Variants in ACY1 observed in about 807,000 individuals in gnomAD.
The protein encoded by ACY1 is aminoacylase-1.
ACY1 carries 38 observed loss-of-function variants against 53.3 expected under a neutral mutation model. The observed-to-expected ratio is 0.71, with a 90% CI of 0.55 to 0.93. The LOEUF (loss-of-function observed/expected upper bound fraction) is 0.93, where lower values mean the gene tolerates loss of function less well. ACY1 is among the 40% of genes least tolerant of loss of function. The pLI, the probability that ACY1 is intolerant of heterozygous loss-of-function variation, is 0.00. For synonymous variants in ACY1, 177 were observed against 202.1 expected, an observed-to-expected ratio of 0.88 and a Z score of 1.05; for missense variants, 484 against 540.9, an observed-to-expected ratio of 0.89 and a Z score of 1.04.
rs1229453849 is a variant in ACY1, at chr3:51,986,573, C to G, written c.527-32C>G. On this transcript the variant is annotated intron_variant, in intron 7 of 14. Coordinates refer to ENST00000636358, the MANE Select transcript of ACY1 (RefSeq NM_000666.3). ...GAGGCTGCTAGTGGGGACTGAGCTG[C>G]TCCACCCTCTGAACCCCCTTTCCCT... is the stretch of plus-strand genomic sequence containing the variant. 2.5e-6 allele frequency: 4 copies of G among 1,614,120 alleles called. No homozygotes were observed. In the Admixed American group the frequency reaches 6.7e-5, roughly 27 times the overall value.
At chr3:51,986,705 G>A (rs1294295177) in intron 8 of ACY1, 44 bp downstream of exon 8, 1 of 1,608,422 alleles carries the variant, frequency 6.2e-7, no homozygotes, top group Non-Finnish European at 8.5e-7. Context: ...CAGGCGGGAG[G>A]CTAGGCCAGA....
At chr3:51,987,285 C>T (rs1266753016) in intron 10 of ACY1, 24 bp from the exon 11 acceptor site, 13 of 1,613,958 alleles carry the variant, frequency 8.1e-6, no homozygotes, top group Admixed American at 3.3e-5. Context: ...CTGTTGCTGC[C>T]GCTACCCTGC....
At chr3:51,988,283 A>G (rs1199229541) in intron 12 of ACY1, 2 of 598,444 alleles carry the variant, frequency 3.3e-6, no homozygotes, top group East Asian at 2.9e-5. Context: ...AGGAAGGGGC[A>G]CTTGGGCTAG....
rs202206383 is a variant in ACY1, at chr3:51,985,385, G to A, written c.184G>A (p.Val62Met). 2.0e-5 allele frequency: 32 copies of A among 1,614,096 alleles called. No homozygotes were observed. In the East Asian group the frequency reaches 2.0e-4, roughly 10 times the overall value. Reference protein sequence around the residue: ...VEVAPGYVVTVLTWPGTNPTL... With the variant: ...VEVAPGYVVTMLTWPGTNPTL... Reference sequence around the variant, plus strand: ...GGTGGCACCTGGCTATGTGGTGACCGTGTTGACCTGGCCAGGCACCAACCC... The same window carrying A: ...GGTGGCACCTGGCTATGTGGTGACCATGTTGACCTGGCCAGGCACCAACCC... The change falls in exon 4 of 15, where the codon GTG becomes ATG. Residue 62 changes from valine (V) to methionine (M), a missense_variant. Transcript: ENST00000636358.
chr3:51,984,835 G>T, intron 2 of ACY1: 1 of 262,538 alleles, frequency 3.8e-6, no homozygotes, highest in Non-Finnish European at 7.3e-6. Context: ...AAAAAAAAAG[G>T]AAAAGAAAAA....
At chr3:51,985,102 G>A (rs1479772299) in intron 2 of ACY1, 105 bp from the exon 3 acceptor site, 6 of 1,115,568 alleles carry the variant, frequency 5.4e-6, no homozygotes, top group Non-Finnish European at 8.0e-6. Context: ...AGTGTGTCGG[G>A]GAGGCAGCAG....
rs1701095982 is a variant in ACY1, at chr3:51,987,135, A to G, written c.658-12A>G. The G allele has an allele frequency of 6.2e-7, 1 of 1,613,974 alleles. No individual in the cohort carries two copies. Among genetic ancestry groups the G allele is most frequent in the African/African-American group, 1.3e-5 (1 of 74,908 alleles). On this transcript the variant is annotated splice_polypyrimidine_tract_variant and intron_variant, in intron 9 of 14. Transcript: ENST00000636358. ...TGAGGCCACTGTCCCATTTAACCTCATATTCTCATAGCACAAGGTTGTAAA... is the reference window on the plus strand; with the variant it reads ...TGAGGCCACTGTCCCATTTAACCTCGTATTCTCATAGCACAAGGTTGTAAA...
intron 13 of ACY1, 22 bp downstream of exon 13, chr3:51,988,625 C>G: frequency 6.2e-7 from 1 of 1,613,600 alleles, no homozygotes; most frequent in Non-Finnish European, 8.5e-7. Context: ...GGCCAGCTCT[C>G]CTCACAGCCC....
In ACY1 at chr3:51,985,396, G is replaced by C. The variant is rs1701022343; in HGVS notation, c.195G>C (p.Trp65Cys). The stretch of plus-strand genomic sequence containing the variant: ...GCTATGTGGTGACCGTGTTGACCTG[G>C]CCAGGCACCAACCCTACACTCTCCT... The part of the protein sequence containing the change: ...APGYVVTVLT[W>C]PGTNPTLSSI... The change falls in exon 4 of 15, where the codon TGG becomes TGC. Residue 65 changes from tryptophan (W) to cysteine (C), a missense_variant. Trp to Cys is a radical substitution (Grantham distance 215). Coordinates refer to ENST00000636358, the MANE Select transcript of ACY1 (RefSeq NM_000666.3). The C allele has an allele frequency of 6.2e-7, 1 of 1,614,072 alleles. No homozygotes were observed. The highest frequency in any genetic ancestry group is 2.2e-5 in the East Asian group (1 of 44,878).
chr3:51,985,016 C>T (rs1577724635), intron 2 of ACY1, 191 bp from the exon 3 acceptor site: 3 of 661,850 alleles, frequency 4.5e-6, no homozygotes, highest in Non-Finnish European at 8.2e-6. Context: ...CCCTGGACTT[C>T]CAGAAAGGGT....
rs1701175624 is a variant in ACY1, at chr3:51,988,977, G to A, written c.1129G>A (p.Glu377Lys). The change falls in exon 15 of 15, where the codon GAA becomes AAA. Residue 377 changes from glutamate to lysine, a missense_variant. Physicochemically the swap from Glu to Lys is moderately conservative, Grantham distance 56. Transcript: ENST00000636358. The part of the protein sequence containing the change: ...RTPVLLHDHD[E>K]RLHEAVFLRG... ...ACCTGTGCTGCTGCACGACCACGAT[G>A]AACGGCTGCATGAGGCTGTGTTCCT... The A allele has an allele frequency of 1.9e-6, 3 of 1,614,058 alleles. No homozygotes were observed. The highest frequency in any genetic ancestry group is 2.7e-5 in the African/African-American group (2 of 74,906).
chr3:51,985,845 C>T lies in ACY1; in HGVS notation c.265-7C>T, dbSNP rs150956099. 2.6e-4 allele frequency: 415 copies of T among 1,612,310 alleles called. 1 individual carries two copies. Among genetic ancestry groups the T allele is most frequent in the Middle Eastern group, 2.5e-3 (15 of 6,054 alleles). On this transcript the variant is annotated splice_polypyrimidine_tract_variant and splice_region_variant and intron_variant, in intron 4 of 14. Transcript: ENST00000636358. ...GTTTGGGCCCCTCTTCCCATCCCTG[C>T]CCCCAGGAACATTGGAGTCACGACC...
rs1701070296 is a variant in ACY1 at position 51,986,627 on chromosome 3, C to T, written c.549C>T (p.Ala183=). ...LDEGIANPTD[A]FTVFYSERSP... The stretch of plus-strand genomic sequence containing the variant: ...CAGGCATAGCCAATCCCACTGATGC[C>T]TTCACTGTCTTTTATAGTGAGCGGA... Residue 183 remains alanine, a synonymous_variant, in exon 8 of 15, where the codon GCC becomes GCT. Coordinates refer to ENST00000636358, the MANE Select transcript of ACY1 (RefSeq NM_000666.3). 3.1e-6 allele frequency: 5 copies of T among 1,614,056 alleles called. No individual in the cohort carries two copies. Among genetic ancestry groups the T allele is most frequent in the Non-Finnish European group, 4.2e-6 (5 of 1,180,038 alleles).
intron 8 of ACY1, 152 bp downstream of exon 8, chr3:51,986,813 T>G: frequency 7.9e-7 from 1 of 1,271,490 alleles, no homozygotes; most frequent in Non-Finnish European, 1.1e-6. Flanking sequence ...TATCTGAGCT[T>G]CTCTGAGGGC....
At chr3:51,984,833 AG>A in intron 2 of ACY1, 2 of 269,184 alleles carry the variant, frequency 7.4e-6, no homozygotes, top group Non-Finnish European at 7.2e-6. Flanking sequence ...AAAAAAAAAA[AG>A]GAAAAGAAAA....
Position 51,986,987 on chromosome 3 carries a change from G to C in ACY1, c.584-1G>C, listed in dbSNP as rs748110984. On this transcript the variant is annotated splice_acceptor_variant, in intron 8 of 14. Coordinates refer to ENST00000636358, the MANE Select transcript of ACY1 (RefSeq NM_000666.3). LOFTEE classifies it high-confidence loss of function. ...ACTGCCTTCCCCCTACACCTCCCCAGGGGTGCGGGTTACCAGCACTGGGAG... is the reference window on the plus strand; with the variant it reads ...ACTGCCTTCCCCCTACACCTCCCCACGGGTGCGGGTTACCAGCACTGGGAG... 1 of 1,612,268 alleles carries C rather than the reference G, an allele frequency of 6.2e-7. No homozygotes were observed. The highest frequency in any genetic ancestry group is 1.7e-5 in the Admixed American group (1 of 60,024).
At chr3:51,988,156 G>A in intron 12 of ACY1, 1 of 377,212 alleles carries the variant, frequency 2.7e-6, no homozygotes, top group Non-Finnish European at 5.0e-6. Context: ...ATGAGCCACT[G>A]CGCCCAGCCG....
intron 1 of ACY1, among the ~76,000 whole-genome samples, chr3:51,983,809 A>G (rs1034168560): frequency 6.6e-6 from 1 of 151,770 alleles, no homozygotes; most frequent in South Asian, 2.1e-4. Flanking sequence ...TCTCCTCTGT[A>G]AAGTGGGCAT....
rs758777571 is a variant in ACY1, at chr3:51,985,887, G to A, written c.300G>A (p.Lys100=). 9 of 1,613,608 alleles carry A rather than the reference G, an allele frequency of 5.6e-6. No homozygotes were observed. The highest frequency in any genetic ancestry group is 1.7e-5 in the Admixed American group (1 of 59,962). Residue 100 remains lysine (K), a synonymous_variant, in exon 5 of 15, where the codon AAG becomes AAA. Transcript: ENST00000636358. The part of the protein sequence containing the change: ...HWSHDPFEAF[K]DSEGYIYARG... ...GTCACGACCCCTTTGAGGCCTTCAAGGATTCTGAGGGCTACATCTATGCCA... is the reference window on the plus strand; with the variant it reads ...GTCACGACCCCTTTGAGGCCTTCAAAGATTCTGAGGGCTACATCTATGCCA...
Sources: allele counts gnomAD v4.1 joint callset (sites outside exome capture counted in the v4.1 genomes callset), GRCh38; gene constraint gnomAD v4.1.1; transcripts MANE v1.5; gene names NCBI Gene and HGNC (gene_info 2026-07-23, HGNC 2026-07-21).